PHACTR1: variants seen among roughly 807,000 people sequenced by gnomAD.
The protein encoded by PHACTR1 is RPEL repeat containing 1.
A neutral mutation model predicts 69.2 loss-of-function variants in PHACTR1; 16 were observed. The observed-to-expected ratio is 0.23, with a 90% confidence interval of 0.16 to 0.35. The LOEUF is 0.35. Ranked by LOEUF, PHACTR1 falls within the 10% of genes least tolerant of loss-of-function variation. PHACTR1 has a pLI of 1.00. For synonymous variants in PHACTR1, 312 were observed against 284.5 expected, an observed-to-expected ratio of 1.10 and a Z score of -0.97; for missense variants, 510 against 734.7, an observed-to-expected ratio of 0.69 and a Z score of 3.54.
intron 4 of PHACTR1, among the ~76,000 whole-genome samples, chr6:12,916,299 A>G (rs1385122107): frequency 6.6e-6 from 1 of 152,192 alleles, no homozygotes; most frequent in African/African-American, 2.4e-5. Flanking sequence ...GAATTTCCAC[A>G]GCTCTACTTC....
At chr6:13,184,122 T>C (rs1479884999) in intron 7 of PHACTR1, among the ~76,000 whole-genome samples, 1 of 152,210 alleles carries the variant, frequency 6.6e-6, no homozygotes, top group Non-Finnish European at 1.5e-5. Context: ...CAGGATGCTG[T>C]TGCTAAAACT....
chr6:12,970,171 A>G (rs549748046), intron 4 of PHACTR1, among the ~76,000 whole-genome samples: 1 of 152,200 alleles, frequency 6.6e-6, no homozygotes, highest in Non-Finnish European at 1.5e-5. Context: ...TGGGGTAATT[A>G]AATACTGTGG....
Position 12,749,990 on chromosome 6 carries a change from C to T in PHACTR1, c.250+200C>T, listed in dbSNP as rs558857465. Among the ~76,000 whole-genome samples the T allele has an allele frequency of 2.0e-5, 3 of 152,286 alleles. No individual in the cohort carries two copies. The South Asian group carries it at 6.2e-4, about 32-fold the overall frequency. On this transcript the variant is annotated intron_variant, in intron 4 of 14. Coordinates refer to ENST00000332995, the MANE Select transcript of PHACTR1 (RefSeq NM_030948.6). Reference sequence around the variant, plus strand: ...GGGGAGGGCGGCGCGTGCAGCCCCACATCCGCCCGAGTCCCACGCGGGCTT... The same window carrying T: ...GGGGAGGGCGGCGCGTGCAGCCCCATATCCGCCCGAGTCCCACGCGGGCTT...
intron 4 of PHACTR1, among the ~76,000 whole-genome samples, chr6:12,851,023 C>T (rs1264330765): frequency 6.6e-6 from 1 of 152,212 alleles, no homozygotes; most frequent in Non-Finnish European, 1.5e-5. Context: ...CCAGTGTTTT[C>T]ATACACCTAT....
rs117124693 is a variant in PHACTR1, at chr6:13,274,432, A to G, written c.1447+1517A>G. 2.3e-4 allele frequency: 35 copies of G among 152,328 alleles called. No homozygotes were observed. In the East Asian group the frequency reaches 5.4e-3, roughly 23 times the overall value. 9.4% of individuals were successfully genotyped at this position (152,328 alleles called of 1,614,324 possible). On this transcript the variant is annotated intron_variant, in intron 11 of 14. Transcript: ENST00000332995. ...GTAGGATGTCTTCCTTTCGGCCCCA[A>G]TCTGGTACCTGAGCCATTATAAACT...
intron 5 of PHACTR1, among the ~76,000 whole-genome samples, chr6:13,139,295 A>G (rs1822044170): frequency 6.6e-6 from 1 of 152,162 alleles, no homozygotes; most frequent in South Asian, 2.1e-4. Flanking sequence ...ACGCAGCCAC[A>G]TACATCCATT....
intron 4 of PHACTR1, among the ~76,000 whole-genome samples, chr6:12,872,991 TTTCC>T (rs939938688): frequency 1.1e-4 from 16 of 151,774 alleles, no homozygotes; most frequent in South Asian, 4.2e-4. Context: ...TCCTTCTTTC[TTTCC>T]TTCCTTCCTT....
intron 5 of PHACTR1, among the ~76,000 whole-genome samples, chr6:13,096,431 A>G (rs540994850): frequency 1.1e-3 from 167 of 152,158 alleles, no homozygotes; most frequent in Non-Finnish European, 1.9e-3. Flanking sequence ...AGCTTCTTAC[A>G]TTTGTGTCTT....
chr6:12,862,130 A>G (rs1295916021), intron 4 of PHACTR1, among the ~76,000 whole-genome samples: 1 of 152,232 alleles, frequency 6.6e-6, no homozygotes, highest in Non-Finnish European at 1.5e-5. Context: ...CTAATATAAT[A>G]TGGAAGTGTG....
chr6:13,221,669 G>C (rs557593608), intron 8 of PHACTR1, among the ~76,000 whole-genome samples: 1 of 152,358 alleles, frequency 6.6e-6, no homozygotes, highest in South Asian at 2.1e-4. Context: ...TGAGGCTTAA[G>C]TGAATCAACA....
At chr6:12,825,979 A>G (rs1398627235) in intron 4 of PHACTR1, among the ~76,000 whole-genome samples, 1 of 152,198 alleles carries the variant, frequency 6.6e-6, no homozygotes, top group Non-Finnish European at 1.5e-5. Context: ...CCTAGATTAC[A>G]GTTTTGTTTG....
chr6:12,992,622 A>G (rs751691607), intron 4 of PHACTR1, among the ~76,000 whole-genome samples: 7 of 152,236 alleles, frequency 4.6e-5, no homozygotes, highest in Non-Finnish European at 8.8e-5. Flanking sequence ...TTTACCAAAT[A>G]TTGAAGCGGT....
intron 4 of PHACTR1, among the ~76,000 whole-genome samples, chr6:12,794,668 T>C (rs1185185143): frequency 1.3e-5 from 2 of 152,198 alleles, no homozygotes; most frequent in Admixed American, 6.5e-5. Flanking sequence ...CCATACTAAG[T>C]CCTTGAAATT....
chr6:13,032,712 C>T (rs2127694132), intron 4 of PHACTR1, among the ~76,000 whole-genome samples: 1 of 151,996 alleles, frequency 6.6e-6, no homozygotes, highest in East Asian at 1.9e-4. Context: ...GAACTCTGAG[C>T]TTAGGTGATC....
intron 8 of PHACTR1, among the ~76,000 whole-genome samples, chr6:13,224,215 G>C (rs921187057): frequency 1.3e-5 from 2 of 152,182 alleles, no homozygotes; most frequent in East Asian, 3.8e-4. Context: ...CTACAGCCTT[G>C]GGTGGTGAAG....
intron 5 of PHACTR1, among the ~76,000 whole-genome samples, chr6:13,124,571 T>C (rs1819229107): frequency 6.6e-6 from 1 of 152,208 alleles, no homozygotes; most frequent in African/African-American, 2.4e-5. Context: ...TATTGTTTCA[T>C]TCATATCTCT....
chr6:12,954,837 G>T (rs971524063), intron 4 of PHACTR1, among the ~76,000 whole-genome samples: 1 of 152,142 alleles, frequency 6.6e-6, no homozygotes, highest in African/African-American at 2.4e-5. Flanking sequence ...TGCAAGTAGG[G>T]ATAGACAAAT....
At chr6:12,888,695 A>T (rs1026567924) in intron 4 of PHACTR1, among the ~76,000 whole-genome samples, 4 of 152,192 alleles carry the variant, frequency 2.6e-5, no homozygotes, top group Non-Finnish European at 5.9e-5. Flanking sequence ...ATCCAAAATG[A>T]CTTCATATTA....
Position 13,283,575 on chromosome 6 carries a change from G to T in PHACTR1, c.1650+13G>T, listed in dbSNP as rs781539751. On this transcript the variant is annotated intron_variant, in intron 13 of 14. Coordinates refer to ENST00000332995, the MANE Select transcript of PHACTR1 (RefSeq NM_030948.6). The surrounding 1 kb of genome is among the most constrained non-coding windows in gnomAD (Gnocchi z 4.7). The stretch of plus-strand genomic sequence containing the variant: ...CGCTGCAGACAAAGTAAGCAGAGGG[G>T]AGTGCTGGAGAGTGGGAGGCAGGAC... The T allele has an allele frequency of 1.2e-6, 2 of 1,613,748 alleles. No homozygotes were observed. Among genetic ancestry groups the T allele is most frequent in the Non-Finnish European group, 1.7e-6 (2 of 1,179,868 alleles).
Sources: gnomAD v4.1 joint callset for allele counts (sites outside exome capture counted in the v4.1 genomes callset) on GRCh38, gnomAD v4.1.1 for gene constraint, Gnocchi (gnomAD v3.1) non-coding constraint, MANE v1.5 for transcripts, NCBI Gene and HGNC (gene_info 2026-07-23, HGNC 2026-07-21) for gene names.